TRPA1: variants seen among roughly 807,000 people sequenced by gnomAD.
TRPA1 encodes transient receptor potential cation channel subfamily A member 1, also known as ankyrin-like with transmembrane domains 1.
Under a neutral mutation model 131.3 loss-of-function variants are expected in TRPA1, and 129 were observed. The observed-to-expected ratio is 0.98, with a 90% CI of 0.85 to 1.14. The LOEUF (loss-of-function observed/expected upper bound fraction) is 1.14, where lower values mean the gene tolerates loss of function less well. TRPA1 is among the 50% of genes most tolerant of loss of function. TRPA1 has a pLI of 0.00. For synonymous variants in TRPA1, 441 were observed against 451.7 expected (o/e 0.98, Z 0.30); for missense variants, 1,304 against 1,354.2 (o/e 0.96, Z 0.58).
chr8:72,071,339 T>C (rs1279707469), intron 2 of TRPA1, among the ~76,000 whole-genome samples: 6 of 152,204 alleles, frequency 3.9e-5, no homozygotes, highest in Non-Finnish European at 8.8e-5. Flanking sequence ...AAAACATCAC[T>C]GTGGGAGTAT....
Position 72,071,715 on chromosome 8 carries a change from CA to C in TRPA1, c.263del (p.Leu88TrpfsTer19). The C allele has an allele frequency of 6.2e-7, 1 of 1,613,590 alleles. No homozygotes were observed. The highest frequency in any genetic ancestry group is 8.5e-7 in the Non-Finnish European group (1 of 1,179,780). On this transcript the variant is annotated frameshift_variant, in exon 2 of 27. Coordinates refer to ENST00000262209, the MANE Select transcript of TRPA1 (RefSeq NM_007332.3). LOFTEE classifies it high-confidence loss of function. ...TGAATTGTAATATTTTGTTACCTTCCAAAGAGGAATCTCTGGTGATCTTCTC... is the reference window on the plus strand; with the variant it reads ...TGAATTGTAATATTTTGTTACCTTCCAAGAGGAATCTCTGGTGATCTTCTC... ...LMEKITRDSS[L>X]EVLHEMDDYG...
intron 1 of TRPA1, 61 bp downstream of exon 1, chr8:72,075,238 C>T (rs961804325): frequency 2.2e-6 from 3 of 1,347,314 alleles, no homozygotes; most frequent in Non-Finnish European, 3.2e-6. Flanking sequence ...CCCAAGGAAA[C>T]CTCCAGCCGA....
chr8:72,045,970 AC>A (rs1563391173), intron 17 of TRPA1, among the ~76,000 whole-genome samples: 1 of 152,134 alleles, frequency 6.6e-6, no homozygotes, highest in East Asian at 1.9e-4. Context: ...AGATCTAAGA[AC>A]CTCTGAATGG....
chr8:72,056,982 T>A lies in TRPA1; in HGVS notation c.1129A>T (p.Asn377Tyr). ...TGCTGTACAGTTAAATGCAGAAAATTACGTCCAAAATTATCTTTTATGTCT... is the reference window on the plus strand; with the variant it reads ...TGCTGTACAGTTAAATGCAGAAAATAACGTCCAAAATTATCTTTTATGTCT... ...QVDIKDNFGRNFLHLTVQQPY... is the reference protein window; with the variant it reads ...QVDIKDNFGRYFLHLTVQQPY... The change falls in exon 10 of 27, where the codon AAT (asparagine) becomes TAT (tyrosine). Residue 377 changes from asparagine (N) to tyrosine (Y), a missense_variant. Physicochemically the swap from Asn to Tyr is moderately radical, Grantham distance 143. Coordinates refer to ENST00000262209, the MANE Select transcript of TRPA1 (RefSeq NM_007332.3). The A allele has an allele frequency of 6.2e-7, 1 of 1,609,534 alleles. No homozygotes were observed. Among genetic ancestry groups the A allele is most frequent in the East Asian group, 2.2e-5 (1 of 44,640 alleles).
intron 24 of TRPA1, among the ~76,000 whole-genome samples, chr8:72,027,374 C>A (rs1811645967): frequency 6.6e-6 from 1 of 152,146 alleles, no homozygotes; most frequent in South Asian, 2.1e-4. Flanking sequence ...CAGGGAGCAT[C>A]TTTACCTCCT....
rs766721121 is a variant in TRPA1 at position 72,061,803 on chromosome 8, A to G, written c.808-42T>C. 5.0e-6 allele frequency: 8 copies of G among 1,603,812 alleles called. 1 individual carries two copies. The highest frequency in any genetic ancestry group is 2.2e-5 in the East Asian group (1 of 44,746). The stretch of plus-strand genomic sequence containing the variant: ...TGCTAGAATCAATGTTTAAATCTCA[A>G]TGAAAGAATATAACTTATATTCAGC... On this transcript the variant is annotated intron_variant, in intron 6 of 26. Coordinates refer to ENST00000262209, the MANE Select transcript of TRPA1 (RefSeq NM_007332.3).
intron 21 of TRPA1, 146 bp downstream of exon 21, chr8:72,036,142 C>A (rs751554277): frequency 2.5e-6 from 2 of 790,480 alleles, no homozygotes; most frequent in Non-Finnish European, 4.1e-6. Flanking sequence ...TCCAGCCTTT[C>A]CTTAATAGGG....
rs566711161 is a variant in TRPA1 at position 72,055,351 on chromosome 8, C to A, written c.1529+85G>T. On this transcript the variant is annotated intron_variant, in intron 12 of 26. Coordinates refer to ENST00000262209, the MANE Select transcript of TRPA1 (RefSeq NM_007332.3). Reference sequence around the variant, plus strand: ...TACTTAGTGAGATATAAAGTTAGACCTCATAATTAAAAATATAATGAAAAG... The same window carrying A: ...TACTTAGTGAGATATAAAGTTAGACATCATAATTAAAAATATAATGAAAAG... 45 of 1,169,742 alleles carry A rather than the reference C, an allele frequency of 3.8e-5. No individual in the cohort carries two copies. The East Asian group carries it at 6.7e-4, about 18-fold the overall frequency. 72.5% of individuals were successfully genotyped at this position (1,169,742 alleles called of 1,614,324 possible).
intron 7 of TRPA1, among the ~76,000 whole-genome samples, chr8:72,061,105 T>TGTGC (rs1805797907): frequency 6.6e-6 from 1 of 152,246 alleles, no homozygotes; most frequent in Admixed American, 6.5e-5. Context: ...CTTTGCCTGA[T>TGTGC]GTGCGTTTCT....
At chr8:72,036,597 G>A (rs1404856262) in intron 20 of TRPA1, 140 bp from the exon 21 acceptor site, 12 of 752,730 alleles carry the variant, frequency 1.6e-5, no homozygotes, top group East Asian at 1.3e-4. Flanking sequence ...GTAACCTCAC[G>A]CCATCCTGGA....
chr8:72,053,556 C>T, intron 13 of TRPA1, 197 bp downstream of exon 13: 1 of 601,976 alleles, frequency 1.7e-6, no homozygotes, highest in Non-Finnish European at 3.0e-6. Context: ...CCCCAACATT[C>T]ACCCACCCCT....
chr8:72,063,510 G>A lies in TRPA1; in HGVS notation c.614C>T (p.Ala205Val). Residue 205 changes from alanine (A) to valine (V), a missense_variant, in exon 5 of 27, where the codon GCT becomes GTT. Coordinates refer to ENST00000262209, the MANE Select transcript of TRPA1 (RefSeq NM_007332.3). ...NKWGCFPIHQ[A>V]AFSGSKECME... ...GCATTCTTTGGAACCTGAAAATGCA[G>A]CTTGGTGAATAGGGAAACATCCCCA... 1 of 1,613,890 alleles carries A rather than the reference G, an allele frequency of 6.2e-7. No individual in the cohort carries two copies. The highest frequency in any genetic ancestry group is 1.7e-5 in the Admixed American group (1 of 59,994).
In TRPA1 at chr8:72,046,561, T is replaced by C. The variant is rs199711099; in HGVS notation, c.2013A>G (p.Lys671=). The change falls in exon 17 of 27, where the codon AAA becomes AAG. Residue 671 remains lysine (K), a synonymous_variant. Coordinates refer to ENST00000262209, the MANE Select transcript of TRPA1 (RefSeq NM_007332.3). ...ATATAACATCCTGTGTAGGTGTTTT[T>C]TTGGTGAATTCTAATGGACATTGAA... The part of the protein sequence containing the change: ...KYLQCPLEFT[K]KTPTQDVIYE... The C allele has an allele frequency of 7.0e-5, 112 of 1,601,688 alleles. No individual in the cohort carries two copies. Among genetic ancestry groups the C allele is most frequent in the Admixed American group, 5.0e-5 (3 of 59,624 alleles).
chr8:72,087,208 G>A, the TRPA1 span, among the ~76,000 whole-genome samples: 1 of 152,088 alleles, frequency 6.6e-6, no homozygotes, highest in Admixed American at 6.5e-5. Flanking sequence ...CAATTTCTTA[G>A]CTAGTCACCA....
chr8:72,024,404 G>C (rs2383841), intron 25 of TRPA1, among the ~76,000 whole-genome samples: 2 of 151,840 alleles, frequency 1.3e-5, no homozygotes, highest in African/African-American at 4.8e-5. Flanking sequence ...TCAAGGGCAG[G>C]TGTGAAATGA....
chr8:72,039,159 T>A, intron 18 of TRPA1, 132 bp from the exon 19 acceptor site: 1 of 859,360 alleles, frequency 1.2e-6, no homozygotes, highest in Non-Finnish European at 1.9e-6. Context: ...TAAGATCAAG[T>A]AAATCTTCTA....
At chr8:72,060,711 T>C (rs1482868881) in intron 7 of TRPA1, among the ~76,000 whole-genome samples, 1 of 152,174 alleles carries the variant, frequency 6.6e-6, no homozygotes, top group Non-Finnish European at 1.5e-5. Flanking sequence ...GTCAACTTCG[T>C]AGTTTTTTAC....
At chr8:72,023,376 G>A (rs965009750) in intron 26 of TRPA1, 6 of 537,610 alleles carry the variant, frequency 1.1e-5, no homozygotes, top group African/African-American at 1.9e-5. Flanking sequence ...GAAAGGTTAA[G>A]CAGATTGCCC....
At chr8:72,073,283 C>T (rs919751222) in intron 1 of TRPA1, among the ~76,000 whole-genome samples, 4 of 152,184 alleles carry the variant, frequency 2.6e-5, no homozygotes, top group African/African-American at 9.7e-5. Context: ...CTAAACTATT[C>T]ACTATCTTGA....
Sources: allele counts gnomAD v4.1 joint callset (sites outside exome capture counted in the v4.1 genomes callset), GRCh38; gene constraint gnomAD v4.1.1; transcripts MANE v1.5; gene names NCBI Gene and HGNC (gene_info 2026-07-23, HGNC 2026-07-21).